Variants in PTPRG observed in about 807,000 individuals in gnomAD.
PTPRG encodes the protein protein tyrosine phosphatase receptor type G.
In PTPRG, 102 loss-of-function variants were observed where a neutral mutation model predicts 165.3. That is an observed-to-expected ratio of 0.62 (90% confidence interval 0.53 to 0.73). PTPRG has a LOEUF of 0.73. Ranked by LOEUF, PTPRG falls within the 30% of genes least tolerant of loss-of-function variation. The pLI, the probability that PTPRG is intolerant of heterozygous loss-of-function variation, is 0.00. For missense variants in PTPRG, 1,866 were observed against 1,861.4 expected (o/e 1.00, Z -0.05); for synonymous variants, 675 against 669.5 (o/e 1.01, Z -0.13).
At position 62,129,419 on chromosome 3, in the gene PTPRG, T is replaced by C. The variant is rs568589215; in HGVS notation, c.616-3183T>C. ...ACAGAATGCCACACTGGGTAATTTA[T>C]AATGAACAGAAATGTATTTGGTTAA... On this transcript the variant is annotated intron_variant, in intron 5 of 29. Transcript: ENST00000474889. Among the ~76,000 whole-genome samples, 19 of 152,298 alleles carry C rather than the reference T, an allele frequency of 1.2e-4. No homozygotes were observed. In the East Asian group the frequency reaches 3.7e-3, roughly 29 times the overall value.
chr3:61,945,560 CAAAA>C (rs71123242), intron 2 of PTPRG, among the ~76,000 whole-genome samples: 2,411 of 55,264 alleles, frequency 0.044, 26 homozygotes, highest in East Asian at 0.21. Flanking sequence ...ACTCCGTCAC[CAAAA>C]AAAAAAAAAA....
At chr3:62,048,478 G>A (rs1305209934) in intron 4 of PTPRG, among the ~76,000 whole-genome samples, 2 of 152,198 alleles carry the variant, frequency 1.3e-5, no homozygotes, top group Non-Finnish European at 2.9e-5. Flanking sequence ...TTCTGTCTGG[G>A]CAGTGGAAAA....
intron 8 of PTPRG, 85 bp from the exon 9 acceptor site, chr3:62,191,384 T>C: frequency 7.5e-7 from 1 of 1,326,972 alleles, no homozygotes. Context: ...CTCTTTCAAC[T>C]TTTTGAGGCT....
chr3:61,833,465 G>C (rs1042794430), intron 2 of PTPRG, among the ~76,000 whole-genome samples: 1 of 152,160 alleles, frequency 6.6e-6, no homozygotes, highest in Non-Finnish European at 1.5e-5. Flanking sequence ...GAGAGTCCCT[G>C]CGAGGATGTA....
At chr3:61,562,400 G>A in intron 1 of PTPRG, 28 bp downstream of exon 1, 1 of 1,607,000 alleles carries the variant, frequency 6.2e-7, no homozygotes, top group East Asian at 2.2e-5. Flanking sequence ...AGGGGATGCG[G>A]CCCCGGCCGG....
At chr3:61,952,774 A>G (rs373472357) in intron 2 of PTPRG, among the ~76,000 whole-genome samples, 2 of 150,940 alleles carry the variant, frequency 1.3e-5, no homozygotes, top group African/African-American at 5.0e-5. Flanking sequence ...TCCGTCTACA[A>G]TTAATCATCA....
At chr3:61,628,246 T>G (rs1701667333) in intron 1 of PTPRG, among the ~76,000 whole-genome samples, 2 of 152,284 alleles carry the variant, frequency 1.3e-5, no homozygotes, top group African/African-American at 4.8e-5. Flanking sequence ...TTTCCCTCTT[T>G]CCCTTTGCTT....
intron 1 of PTPRG, among the ~76,000 whole-genome samples, chr3:61,591,893 T>G (rs1406077720): frequency 1.3e-5 from 2 of 152,134 alleles, no homozygotes; most frequent in African/African-American, 4.8e-5. Flanking sequence ...CCAAGGATCC[T>G]TAAGAATTGT....
chr3:62,267,382 TTC>T (rs1351426604), intron 17 of PTPRG, 26 bp from the exon 18 acceptor site: 22 of 1,489,264 alleles, frequency 1.5e-5, no homozygotes, highest in Non-Finnish European at 1.9e-5. Context: ...TCCATTTTAT[TTC>T]TGTTTTTTTT....
intron 2 of PTPRG, among the ~76,000 whole-genome samples, chr3:61,887,344 C>A (rs13089711): frequency 0.11 from 16,302 of 151,604 alleles, 1,405 homozygotes; most frequent in African/African-American, 0.24. Flanking sequence ...CCAGTTCTAA[C>A]AAGAGCTCTA....
intron 4 of PTPRG, among the ~76,000 whole-genome samples, chr3:62,024,834 A>G (rs2041770723): frequency 6.6e-6 from 1 of 152,172 alleles, no homozygotes; most frequent in African/African-American, 2.4e-5. Context: ...GGGTTTAGGG[A>G]CATAAATAGG....
chr3:61,604,373 G>GT (rs1700944696), intron 1 of PTPRG, among the ~76,000 whole-genome samples: 1 of 152,110 alleles, frequency 6.6e-6, no homozygotes, highest in Non-Finnish European at 1.5e-5. Flanking sequence ...TTCTTTGATG[G>GT]TGACGGGAGG....
intron 2 of PTPRG, among the ~76,000 whole-genome samples, chr3:61,969,952 A>T (rs1426940078): frequency 6.6e-6 from 1 of 152,196 alleles, no homozygotes; most frequent in African/African-American, 2.4e-5. Context: ...GTTGTTTTTT[A>T]GATTAATACG....
At chr3:61,970,022 A>G (rs1302314792) in intron 2 of PTPRG, among the ~76,000 whole-genome samples, 2 of 152,260 alleles carry the variant, frequency 1.3e-5, no homozygotes, top group East Asian at 1.9e-4. Flanking sequence ...ATCTTCAGCC[A>G]TAGATAGATT....
At chr3:62,124,181 GA>G (rs891124090) in intron 5 of PTPRG, 31 of 764,928 alleles carry the variant, frequency 4.1e-5, no homozygotes, top group Admixed American at 6.5e-5. Context: ...GTTGTGCAAA[GA>G]AAAAAAAGAA....
intron 1 of PTPRG, among the ~76,000 whole-genome samples, chr3:61,647,614 C>G (rs1197244406): frequency 1.3e-5 from 2 of 151,972 alleles, no homozygotes; most frequent in African/African-American, 4.8e-5. Context: ...CACAGTGAAA[C>G]CCCGTCTCCA....
At chr3:62,234,421 G>A (rs1700977481) in intron 14 of PTPRG, among the ~76,000 whole-genome samples, 1 of 152,052 alleles carries the variant, frequency 6.6e-6, no homozygotes, top group Non-Finnish European at 1.5e-5. Context: ...CTCCATAATG[G>A]GATACCAAGG....
intron 2 of PTPRG, among the ~76,000 whole-genome samples, chr3:61,971,732 T>G (rs554800697): frequency 5.8e-4 from 88 of 152,254 alleles, no homozygotes; most frequent in Non-Finnish European, 1.2e-3. Context: ...TAGATTGTAG[T>G]GATGGTCGTA....
At chr3:62,165,309 A>G (rs1704928430) in intron 7 of PTPRG, among the ~76,000 whole-genome samples, 2 of 152,130 alleles carry the variant, frequency 1.3e-5, no homozygotes, top group Admixed American at 1.3e-4. Flanking sequence ...TGATTTTAAG[A>G]AGTTATTTTC....
Sources: allele counts gnomAD v4.1 joint callset (sites outside exome capture counted in the v4.1 genomes callset), GRCh38; gene constraint gnomAD v4.1.1; transcripts MANE v1.5; gene names NCBI Gene and HGNC (gene_info 2026-07-23, HGNC 2026-07-21).